The following TMEM134 variants were observed in gnomAD, a reference collection of about 807,000 sequenced individuals.
TMEM134 encodes the protein transmembrane protein 134.
In TMEM134, 36 loss-of-function variants were observed where a neutral mutation model predicts 26.2. That is an observed-to-expected ratio of 1.37 (90% CI 1.05 to 1.81). The LOEUF (loss-of-function observed/expected upper bound fraction) is 1.81, where lower values mean the gene tolerates loss of function less well. Ranked by LOEUF, TMEM134 falls within the 40% of genes most tolerant of loss-of-function variation. The pLI is 0.00. For synonymous variants in TMEM134, 133 were observed against 113.6 expected, an observed-to-expected ratio of 1.17 and a Z score of -1.08; for missense variants, 339 against 263.5, an observed-to-expected ratio of 1.29 and a Z score of -1.98.
At chr11:67,468,521 A>G (rs1865426508) in intron 1 of TMEM134, among the ~76,000 whole-genome samples, 1 of 152,130 alleles carries the variant, frequency 6.6e-6, no homozygotes, top group South Asian at 2.1e-4. Context: ...GTTTAGTGGG[A>G]GCCAAAGGGT....
Position 67,464,256 on chromosome 11 carries a change from G to A in TMEM134, c.*358C>T. On this transcript the variant is annotated 3_prime_UTR_variant, in exon 7 of 7. Transcript: ENST00000308022. Reference sequence around the variant, plus strand: ...GGCTGCCACGCGTTCGGTGGTGCTCGAAGCCCTTCAGCGTCAGGGTCAGTC... The same window carrying A: ...GGCTGCCACGCGTTCGGTGGTGCTCAAAGCCCTTCAGCGTCAGGGTCAGTC... 2.7e-6 allele frequency: 1 copy of A among 371,622 alleles called. No homozygotes were observed. The highest frequency in any genetic ancestry group is 2.1e-5 in the African/African-American group (1 of 47,066). 23.0% of individuals were successfully genotyped at this position (371,622 alleles called of 1,614,324 possible).
chr11:67,465,014 A>G lies in TMEM134; in HGVS notation c.451+42T>C, dbSNP rs1009434087. On this transcript the variant is annotated intron_variant, in intron 5 of 6. Coordinates refer to ENST00000308022, the MANE Select transcript of TMEM134 (RefSeq NM_025124.4). ...CTTGCCGTGGACCCGTGGACACAAG[A>G]CAGGGGTGTCCTCTGCCTGTGGGGG... 4.0e-6 allele frequency: 6 copies of G among 1,505,608 alleles called. No homozygotes were observed. In the African/African-American group the frequency reaches 8.2e-5, roughly 21 times the overall value. The allele number at this position is 1,505,608 out of a possible 1,614,324, so 93.3% of individuals were successfully genotyped here. A position where few individuals can be genotyped will look rare whatever the true frequency, so the allele number is the denominator to read the frequency against.
intron 4 of TMEM134, chr11:67,465,400 C>T: frequency 1.9e-6 from 1 of 521,268 alleles, no homozygotes; most frequent in Non-Finnish European, 3.0e-6. Context: ...GATAAGGTCC[C>T]TGCCCTCATG....
At position 67,462,189 on chromosome 11, in the gene TMEM134, A is replaced by C. The variant is rs1294791909; in HGVS notation, c.*2425T>G. 2.0e-5 allele frequency: 3 copies of C among 151,796 alleles called. No homozygotes were observed. Among genetic ancestry groups the C allele is most frequent in the Non-Finnish European group, 4.4e-5 (3 of 67,962 alleles). The allele number at this position is 151,796 out of a possible 1,614,324, so 9.4% of individuals were successfully genotyped here. On this transcript the variant is annotated 3_prime_UTR_variant, in exon 7 of 7. Transcript: ENST00000308022. ...CTCAAAAAAAAAACAAAAAAAAAAA[A>C]AACAAGGAGTAAAAAGTTGTTAGCT...
At chr11:67,468,816 C>T (rs1009299237) in intron 1 of TMEM134, among the ~76,000 whole-genome samples, 2 of 152,148 alleles carry the variant, frequency 1.3e-5, no homozygotes, top group Non-Finnish European at 2.9e-5. Flanking sequence ...CTGGGCTCTT[C>T]CCGGCTGGCT....
At chr11:67,467,862 G>A in intron 2 of TMEM134, 166 bp downstream of exon 2, 1 of 712,076 alleles carries the variant, frequency 1.4e-6, no homozygotes, top group Non-Finnish European at 2.3e-6. Context: ...CTAGGGTAGG[G>A]TGACCCTACA....
At chr11:67,468,115 G>T (rs961905193) in intron 1 of TMEM134, 23 bp from the exon 2 acceptor site, 1 of 1,553,548 alleles carries the variant, frequency 6.4e-7, no homozygotes, top group Non-Finnish European at 8.7e-7. Context: ...ACAGGTCTCA[G>T]GGGGGTTGCT....
At chr11:67,466,846 C>T in intron 4 of TMEM134, 1 of 183,104 alleles carries the variant, frequency 5.5e-6, no homozygotes, top group Non-Finnish European at 1.2e-5. Flanking sequence ...TGCTTAGATG[C>T]CAGACAAGGG....
Position 67,464,550 on chromosome 11 carries a change from AG to A in TMEM134, c.*63del, listed in dbSNP as rs975753703. On this transcript the variant is annotated 3_prime_UTR_variant, in exon 7 of 7. Coordinates refer to ENST00000308022, the MANE Select transcript of TMEM134 (RefSeq NM_025124.4). Reference sequence around the variant, plus strand: ...CTGGAGGGCCTCTTCCCTTGAGATGAGGGGAACGGAACAGGGCAAGAGGGGC... The same window carrying A: ...CTGGAGGGCCTCTTCCCTTGAGATGAGGGAACGGAACAGGGCAAGAGGGGC... The A allele has an allele frequency of 6.7e-7, 1 of 1,497,588 alleles. No homozygotes were observed. Among genetic ancestry groups the A allele is most frequent in the African/African-American group, 1.4e-5 (1 of 71,756 alleles). 92.8% of individuals were successfully genotyped at this position (1,497,588 alleles called of 1,614,324 possible). A position where few individuals can be genotyped will look rare whatever the true frequency, so the allele number is the denominator to read the frequency against.
chr11:67,468,894 G>A, intron 1 of TMEM134, 125 bp downstream of exon 1: 2 of 975,136 alleles, frequency 2.1e-6, no homozygotes, highest in Non-Finnish European at 2.8e-6. Flanking sequence ...CCGCGGGGCG[G>A]GGGGGCGGTC....
chr11:67,465,061 GA>G lies in TMEM134; in HGVS notation c.445del (p.Ser149LeufsTer24). On this transcript the variant is annotated frameshift_variant, in exon 5 of 7. Transcript: ENST00000308022. LOFTEE classifies it high-confidence loss of function. ...LVGVGLEATP[S>X]PGVSSAIFFV... Reference sequence around the variant, plus strand: ...GGGGCGGGAGGGTCGCTCACCTGGAGAGGGGGTCGCCTCCAGTCCCACGCCG... The same window carrying G: ...GGGGCGGGAGGGTCGCTCACCTGGAGGGGGGTCGCCTCCAGTCCCACGCCG... The G allele has an allele frequency of 6.3e-7, 1 of 1,583,302 alleles. No individual in the cohort carries two copies. The highest frequency in any genetic ancestry group is 1.8e-4 in the Middle Eastern group (1 of 5,622).
At chr11:67,468,176 A>G (rs1865402479) in intron 1 of TMEM134, 84 bp from the exon 2 acceptor site, 1 of 1,332,278 alleles carries the variant, frequency 7.5e-7, no homozygotes, top group Non-Finnish European at 1.1e-6. Context: ...GCAGGCCTAC[A>G]CAACCATTTG....
chr11:67,467,936 G>A, intron 2 of TMEM134, 92 bp downstream of exon 2: 1 of 1,176,970 alleles, frequency 8.5e-7, no homozygotes, highest in Non-Finnish European at 1.2e-6. Flanking sequence ...GGATGGAAGA[G>A]AGTGAGTGAA....
intron 2 of TMEM134, 116 bp downstream of exon 2, chr11:67,467,912 G>T (rs1865377153): frequency 3.0e-6 from 3 of 997,756 alleles, no homozygotes; most frequent in Non-Finnish European, 4.5e-6. Flanking sequence ...GTCAGGCTAG[G>T]AATCAATAGG....
At chr11:67,467,220 G>T in intron 4 of TMEM134, 92 bp downstream of exon 4, 1 of 1,229,138 alleles carries the variant, frequency 8.1e-7, no homozygotes, top group East Asian at 2.3e-5. Context: ...ATGCTGGGAG[G>T]CTCAGTGTCA....
intron 1 of TMEM134, 62 bp from the exon 2 acceptor site, chr11:67,468,154 G>T: frequency 6.8e-7 from 1 of 1,480,796 alleles, no homozygotes; most frequent in South Asian, 1.2e-5. Flanking sequence ...ACTCCCTCCC[G>T]GGAAGAGAAA....
chr11:67,469,249 G>C lies in TMEM134; in HGVS notation c.-57C>G, dbSNP rs1865512542. ...CGCCATCTGCGCCCACACACCCAGC[G>C]TCGCCGCTGCCCCGCCCCCGCATGC... On this transcript the variant is annotated 5_prime_UTR_variant, in exon 1 of 7. Transcript: ENST00000308022. 1.6e-6 allele frequency: 2 copies of C among 1,220,274 alleles called. No homozygotes were observed. Among genetic ancestry groups the C allele is most frequent in the Non-Finnish European group, 2.0e-6 (2 of 975,630 alleles). 75.6% of individuals were successfully genotyped at this position (1,220,274 alleles called of 1,614,324 possible).
chr11:67,469,117 C>T lies in TMEM134; in HGVS notation c.76G>A (p.Glu26Lys), dbSNP rs761079247. ...LSLEDGGPGP[E>K]SSGVARFGPL... ...CCAAAGCGCGCGACCCCGCTGGACT[C>T]GGGCCCAGGGCCCCCGTCCTCCAGG... Residue 26 changes from glutamate to lysine, a missense_variant, in exon 1 of 7, where the codon GAG becomes AAG. By Grantham distance (56) the Glu-to-Lys change is moderately conservative. Coordinates refer to ENST00000308022, the MANE Select transcript of TMEM134 (RefSeq NM_025124.4). 1.3e-6 allele frequency: 2 copies of T among 1,503,934 alleles called. No individual in the cohort carries two copies. The highest frequency in any genetic ancestry group is 8.9e-7 in the Non-Finnish European group (1 of 1,125,888). 93.2% of individuals were successfully genotyped at this position (1,503,934 alleles called of 1,614,324 possible). A position where few individuals can be genotyped will look rare whatever the true frequency, so the allele number is the denominator to read the frequency against.
Position 67,462,387 on chromosome 11 carries a change from T to A in TMEM134, c.*2227A>T, listed in dbSNP as rs1193620070. 6.6e-6 allele frequency: 1 copy of A among 150,450 alleles called. No homozygotes were observed. Among genetic ancestry groups the A allele is most frequent in the Non-Finnish European group, 1.5e-5 (1 of 67,606 alleles). The allele number at this position is 150,450 out of a possible 1,614,324, so 9.3% of individuals were successfully genotyped here. A position where few individuals can be genotyped will look rare whatever the true frequency, so the allele number is the denominator to read the frequency against. On this transcript the variant is annotated 3_prime_UTR_variant, in exon 7 of 7. Coordinates refer to ENST00000308022, the MANE Select transcript of TMEM134 (RefSeq NM_025124.4). The stretch of plus-strand genomic sequence containing the variant: ...TTTTTTTTTGGAGACAGAGTCTCGC[T>A]CTGTCGCTCAGGCTGGAGTGTAGTG...
Sources: gnomAD v4.1 joint callset for allele counts (sites outside exome capture counted in the v4.1 genomes callset) on GRCh38, gnomAD v4.1.1 for gene constraint, MANE v1.5 for transcripts, NCBI Gene and HGNC (gene_info 2026-07-23, HGNC 2026-07-21) for gene names.